The following KLHL32 variants were observed in gnomAD, a reference collection of about 807,000 sequenced individuals.
The protein encoded by KLHL32 is kelch-like protein 32.
KLHL32 carries 35 observed loss-of-function variants against 64.8 expected under a neutral mutation model. That is an observed-to-expected ratio of 0.54 (90% CI 0.41 to 0.72). The LOEUF (loss-of-function observed/expected upper bound fraction) is 0.72. KLHL32 is among the 30% of genes least tolerant of loss of function. The probability of loss-of-function intolerance (pLI) is 0.00; values close to 1 mark genes in which losing one functional copy is unlikely to be tolerated. For missense variants in KLHL32, 589 were observed against 768.5 expected, an observed-to-expected ratio of 0.77 and a Z score of 2.76; for synonymous variants, 259 against 281.0, an observed-to-expected ratio of 0.92 and a Z score of 0.78.
chr6:96,994,632 T>C, intron 3 of KLHL32: 1 of 985,088 alleles, frequency 1.0e-6, no homozygotes, highest in Non-Finnish European at 1.2e-6. Flanking sequence ...TCAGCTTTTC[T>C]TGTTTAAAAT....
At chr6:96,979,308 G>T (rs879416586) in intron 3 of KLHL32, among the ~76,000 whole-genome samples, 1 of 152,066 alleles carries the variant, frequency 6.6e-6, no homozygotes, top group Non-Finnish European at 1.5e-5. Context: ...CTCTTGAGTT[G>T]ATTTTTGTAC....
Position 96,999,635 on chromosome 6 carries a change from G to A in KLHL32, c.204+23458G>A, listed in dbSNP as rs1278776637. 3 of 429,612 alleles carry A rather than the reference G, an allele frequency of 7.0e-6. No individual in the cohort carries two copies. The East Asian group carries it at 4.7e-4, about 68-fold the overall frequency. 26.6% of individuals were successfully genotyped at this position (429,612 alleles called of 1,614,324 possible). ...ATTTTTCTCTGTGAAGCTATAATTT[G>A]CCTCTGATATTTTTATTTTAAATGT... On this transcript the variant is annotated intron_variant, in intron 3 of 10. Coordinates refer to ENST00000369261, the MANE Select transcript of KLHL32 (RefSeq NM_052904.4).
At chr6:97,016,969 G>A (rs1781295239) in intron 3 of KLHL32, among the ~76,000 whole-genome samples, 2 of 152,120 alleles carry the variant, frequency 1.3e-5, no homozygotes, top group Admixed American at 1.3e-4. Context: ...CACCATTATT[G>A]TAAGTTTCCT....
At chr6:96,941,748 GC>G (rs113902047) in intron 1 of KLHL32, among the ~76,000 whole-genome samples, 2 of 137,672 alleles carry the variant, frequency 1.5e-5, no homozygotes, top group Admixed American at 7.5e-5. Flanking sequence ...TCACATAGCT[GC>G]CTTTTTTCTC....
chr6:96,907,707 C>G, the KLHL32 span, among the ~76,000 whole-genome samples: 1 of 152,116 alleles, frequency 6.6e-6, no homozygotes, highest in Non-Finnish European at 1.5e-5. Flanking sequence ...CTTAACTCGC[C>G]CAGCTCATTT....
At chr6:97,075,374 T>C (rs1791438066) in intron 5 of KLHL32, among the ~76,000 whole-genome samples, 1 of 152,228 alleles carries the variant, frequency 6.6e-6, no homozygotes, top group Non-Finnish European at 1.5e-5. Context: ...TCTCTCTGTA[T>C]GTTTATACAT....
intron 1 of KLHL32, among the ~76,000 whole-genome samples, chr6:96,945,684 T>G (rs1312246295): frequency 6.6e-6 from 1 of 152,176 alleles, no homozygotes; most frequent in Non-Finnish European, 1.5e-5. Flanking sequence ...GCACTTAAAA[T>G]TTTGGTCATT....
At chr6:97,084,177 A>G (rs1457580927) in intron 5 of KLHL32, among the ~76,000 whole-genome samples, 2 of 152,256 alleles carry the variant, frequency 1.3e-5, no homozygotes, top group African/African-American at 2.4e-5. Context: ...AGCATTATAC[A>G]TTCCTCAAGT....
chr6:97,083,754 A>G (rs1792952818), intron 5 of KLHL32, among the ~76,000 whole-genome samples: 1 of 152,234 alleles, frequency 6.6e-6, no homozygotes, highest in African/African-American at 2.4e-5. Flanking sequence ...TATAACTAGA[A>G]ATGGCACTCT....
At chr6:96,998,402 A>C (rs1778644649) in intron 3 of KLHL32, among the ~76,000 whole-genome samples, 1 of 152,218 alleles carries the variant, frequency 6.6e-6, no homozygotes. Flanking sequence ...ACTTGGAACA[A>C]CATACACTAA....
chr6:97,080,519 T>C (rs1792336505), intron 5 of KLHL32, among the ~76,000 whole-genome samples: 2 of 152,242 alleles, frequency 1.3e-5, no homozygotes, highest in African/African-American at 4.8e-5. Flanking sequence ...GAGATAGATC[T>C]GCAGTTAAAG....
chr6:97,111,327 A>G (rs559910255), intron 6 of KLHL32, among the ~76,000 whole-genome samples: 28 of 152,358 alleles, frequency 1.8e-4, no homozygotes, highest in African/African-American at 6.5e-4. Flanking sequence ...CTTCTGATGT[A>G]TCCTAGGCAG....
the KLHL32 span, among the ~76,000 whole-genome samples, chr6:96,903,588 T>C: frequency 9.2e-5 from 14 of 152,310 alleles, no homozygotes; most frequent in Non-Finnish European, 1.9e-4. Context: ...GGAGGCCCGA[T>C]GTGACAGCCC....
intron 3 of KLHL32, among the ~76,000 whole-genome samples, chr6:96,991,904 T>C (rs961765059): frequency 1.3e-5 from 2 of 151,884 alleles, no homozygotes; most frequent in Non-Finnish European, 2.9e-5. Context: ...CCGGGTAAGG[T>C]GGCTGCGCTG....
chr6:97,013,283 A>G (rs572964030), intron 3 of KLHL32, among the ~76,000 whole-genome samples: 3 of 152,320 alleles, frequency 2.0e-5, no homozygotes, highest in African/African-American at 7.2e-5. Flanking sequence ...CTAGTGTTAA[A>G]TAACTTTTTA....
At chr6:97,132,769 T>A (rs1799578888) in intron 10 of KLHL32, 22 bp downstream of exon 10, 1 of 1,545,538 alleles carries the variant, frequency 6.5e-7, no homozygotes, top group East Asian at 2.3e-5. Flanking sequence ...AAGTTCCTTT[T>A]GAAGTTTGTT....
At chr6:97,007,098 G>T (rs1582679321) in intron 3 of KLHL32, among the ~76,000 whole-genome samples, 1 of 151,830 alleles carries the variant, frequency 6.6e-6, no homozygotes, top group East Asian at 1.9e-4. Flanking sequence ...TAAGTTGCTT[G>T]TTTTTTTCTC....
At chr6:97,103,763 A>G (rs1470925327) in intron 6 of KLHL32, among the ~76,000 whole-genome samples, 1 of 77,126 alleles carries the variant, frequency 1.3e-5, no homozygotes, top group Non-Finnish European at 3.0e-5. Context: ...GCACAGAATT[A>G]TAGACAAAAA....
At chr6:97,112,765 T>TA (rs34565706) in intron 6 of KLHL32, among the ~76,000 whole-genome samples, 39 of 144,764 alleles carry the variant, frequency 2.7e-4, no homozygotes, top group Non-Finnish European at 4.3e-4. Flanking sequence ...TTTTTAATTT[T>TA]AAAAAAAAAA....
Sources: gnomAD v4.1 joint callset for allele counts (sites outside exome capture counted in the v4.1 genomes callset) on GRCh38, gnomAD v4.1.1 for gene constraint, MANE v1.5 for transcripts, NCBI Gene and HGNC (gene_info 2026-07-23, HGNC 2026-07-21) for gene names.